Variants in SCG3 observed in about 807,000 individuals in gnomAD.
SCG3 encodes secretogranin III.
Under a neutral mutation model 56.2 loss-of-function variants are expected in SCG3, and 38 were observed. That is an observed-to-expected ratio of 0.68 (90% CI 0.52 to 0.89). SCG3 has a LOEUF of 0.89. Among genes scored for constraint, SCG3 ranks in the 40% least tolerant of loss-of-function variants. The probability of loss-of-function intolerance (pLI) is 0.00; values close to 1 mark genes in which losing one functional copy is unlikely to be tolerated. For synonymous variants in SCG3, 176 were observed against 184.2 expected (o/e 0.96, Z 0.36); for missense variants, 524 against 540.7 (o/e 0.97, Z 0.31).
At position 51,691,828 on chromosome 15, in the gene SCG3, A is replaced by G. The variant is rs561140335; in HGVS notation, c.691-331A>G. Among the ~76,000 whole-genome samples, 3 of 152,286 alleles carry G rather than the reference A, an allele frequency of 2.0e-5. No homozygotes were observed. In the East Asian group the frequency reaches 5.8e-4, roughly 29 times the overall value. ...GAACTCAAAGCTTCCCTCTTCATTA[A>G]AAGGCAGTTTTTCCTGGGGAGACTC... On this transcript the variant is annotated intron_variant, in intron 6 of 11. Coordinates refer to ENST00000220478, the MANE Select transcript of SCG3 (RefSeq NM_013243.4).
intron 4 of SCG3, among the ~76,000 whole-genome samples, chr15:51,684,360 C>T (rs1048250626): frequency 2.0e-5 from 3 of 152,244 alleles, no homozygotes; most frequent in Admixed American, 6.5e-5. Flanking sequence ...TTTCCTTACC[C>T]GAAGTCAGGA....
intron 8 of SCG3, among the ~76,000 whole-genome samples, chr15:51,697,630 T>C (rs566848295): frequency 1.3e-5 from 2 of 152,294 alleles, no homozygotes; most frequent in East Asian, 3.9e-4. Context: ...GCAGTGAAAA[T>C]AGGCTAGATA....
In SCG3 at chr15:51,681,667, C is replaced by A; in HGVS notation, c.-89C>A. On this transcript the variant is annotated 5_prime_UTR_variant, in exon 1 of 12. Transcript: ENST00000220478. Reference sequence around the variant, plus strand: ...CCCCACACCCACCCTCCTGGCTCTTCCTGTTTTTACTCCTCCTTTTCATTC... The same window carrying A: ...CCCCACACCCACCCTCCTGGCTCTTACTGTTTTTACTCCTCCTTTTCATTC... The A allele has an allele frequency of 2.1e-6, 1 of 475,054 alleles. No homozygotes were observed. The highest frequency in any genetic ancestry group is 4.3e-6 in the Non-Finnish European group (1 of 232,648). 29.4% of individuals were successfully genotyped at this position (475,054 alleles called of 1,614,324 possible).
At position 51,719,557 on chromosome 15, in the gene SCG3, T is replaced by C. The variant is rs769380292; in HGVS notation, c.*31T>C. ...GCAAAAGATCCAGGAGTCTTTCAAC[T>C]GTTTCAGAAAACATAATATAGCTTA... On this transcript the variant is annotated 3_prime_UTR_variant, in exon 12 of 12. Coordinates refer to ENST00000220478, the MANE Select transcript of SCG3 (RefSeq NM_013243.4). 1 of 1,455,182 alleles carries C rather than the reference T, an allele frequency of 6.9e-7. No homozygotes were observed. The highest frequency in any genetic ancestry group is 1.4e-5 in the African/African-American group (1 of 71,274). The allele number at this position is 1,455,182 out of a possible 1,614,324, so 90.1% of individuals were successfully genotyped here.
At chr15:51,709,033 A>C (rs2055394267) in intron 10 of SCG3, among the ~76,000 whole-genome samples, 1 of 152,184 alleles carries the variant, frequency 6.6e-6, no homozygotes, top group Admixed American at 6.5e-5. Flanking sequence ...GCTGCTAATA[A>C]ATACATACCC....
At chr15:51,707,059 G>A (rs2055380751) in intron 10 of SCG3, among the ~76,000 whole-genome samples, 2 of 151,994 alleles carry the variant, frequency 1.3e-5, no homozygotes, top group Non-Finnish European at 2.9e-5. Context: ...ATCTAAGTGT[G>A]GTTCTTTTTG....
intron 4 of SCG3, among the ~76,000 whole-genome samples, chr15:51,684,331 T>C (rs1252409167): frequency 6.6e-6 from 1 of 152,148 alleles, no homozygotes; most frequent in Non-Finnish European, 1.5e-5. Context: ...CATTCTTCAT[T>C]TGGCAGCCAA....
Position 51,695,905 on chromosome 15 carries a change from T to C in SCG3, c.899T>C (p.Ile300Thr), listed in dbSNP as rs1181875670. ...EKEAKEKETL[I>T]TIMKTLIDFV... is the part of the protein sequence containing the mutation. ...GAAGCAAAAGAGAAAGAAACACTGA[T>C]TACTATCATGAAAACACTGATTGAC... The change falls in exon 8 of 12, where the codon ATT becomes ACT. Residue 300 changes from isoleucine (I) to threonine (T), a missense_variant. By Grantham distance (89) the Ile-to-Thr change is moderately conservative. Coordinates refer to ENST00000220478, the MANE Select transcript of SCG3 (RefSeq NM_013243.4). 2 of 1,607,652 alleles carry C rather than the reference T, an allele frequency of 1.2e-6. No homozygotes were observed. Among genetic ancestry groups the C allele is most frequent in the Non-Finnish European group, 1.7e-6 (2 of 1,174,756 alleles).
intron 11 of SCG3, 45 bp from the exon 12 acceptor site, chr15:51,719,363 G>C: frequency 7.4e-7 from 1 of 1,356,426 alleles, no homozygotes; most frequent in Non-Finnish European, 1.1e-6. Context: ...AATGGGATTG[G>C]CCTTTCCTGA....
chr15:51,711,992 A>G (rs2055423973), intron 10 of SCG3, among the ~76,000 whole-genome samples: 1 of 152,186 alleles, frequency 6.6e-6, no homozygotes, highest in African/African-American at 2.4e-5. Flanking sequence ...CTCTTAGGGC[A>G]GTGTTATTGT....
rs1358551543 is a variant in SCG3, at chr15:51,720,312, G to C, written c.*786G>C. 1 of 152,240 alleles carries C rather than the reference G, an allele frequency of 6.6e-6. No individual in the cohort carries two copies. The highest frequency in any genetic ancestry group is 1.5e-5 in the Non-Finnish European group (1 of 68,052). The allele number at this position is 152,240 out of a possible 1,614,324, so 9.4% of individuals were successfully genotyped here. On this transcript the variant is annotated 3_prime_UTR_variant, in exon 12 of 12. Transcript: ENST00000220478. Reference sequence around the variant, plus strand: ...ATCCAAGCCAAGTTTTCTCAACAGAGAGCAAAGGGCCAGGCAGTAAGGTAG... The same window carrying C: ...ATCCAAGCCAAGTTTTCTCAACAGACAGCAAAGGGCCAGGCAGTAAGGTAG...
chr15:51,688,278 A>G lies in SCG3; in HGVS notation c.416A>G (p.His139Arg), dbSNP rs202101824. The change falls in exon 5 of 12, where the codon CAT becomes CGT. Residue 139 changes from histidine (H) to arginine (R), a missense_variant. His to Arg is a conservative substitution (Grantham distance 29). Transcript: ENST00000220478. ...TGTCTAGATGATCCAGATGGTCTTC[A>G]TCAACTAGACGGGACTCCTTTAACC... ...HKFQDDPDGL[H>R]QLDGTPLTAE... is the part of the protein sequence containing the mutation. 2.5e-6 allele frequency: 4 copies of G among 1,613,816 alleles called. No individual in the cohort carries two copies. The highest frequency in any genetic ancestry group is 3.4e-6 in the Non-Finnish European group (4 of 1,179,760).
intron 11 of SCG3, among the ~76,000 whole-genome samples, chr15:51,716,428 T>C (rs951425031): frequency 1.3e-5 from 2 of 152,174 alleles, no homozygotes; most frequent in African/African-American, 4.8e-5. Flanking sequence ...AAATGAGCAT[T>C]TATTGAACAT....
rs35106685 is a variant in SCG3 at position 51,683,349 on chromosome 15, T to C, written c.312T>C (p.Asn104=). ...IRSSPLDNKL[N]VEDVDSTKNR... ...GCTCCCCACTTGATAATAAGTTGAA[T>C]GTGGAAGATGTTGATTCAACCAAGA... Residue 104 remains asparagine, a synonymous_variant, in exon 4 of 12, where the codon AAT becomes AAC. Transcript: ENST00000220478. 1.9e-3 allele frequency: 3,118 copies of C among 1,613,536 alleles called. 58 individuals are homozygous for C. The African/African-American group carries it at 0.037, about 19-fold the overall frequency.
At chr15:51,689,102 T>A in intron 5 of SCG3, 117 bp from the exon 6 acceptor site, 1 of 1,118,754 alleles carries the variant, frequency 8.9e-7, no homozygotes, top group Non-Finnish European at 1.3e-6. Context: ...GTCTGAAAGA[T>A]GGTTCAGAAG....
chr15:51,692,034 G>A lies in SCG3; in HGVS notation c.691-125G>A, dbSNP rs2305718. ...TCTAGAAATGGGTTTGAACCTGCAG[G>A]AGCTTGCAAACGAGGGGGAATTCTT... On this transcript the variant is annotated intron_variant, in intron 6 of 11. Transcript: ENST00000220478. The A allele has an allele frequency of 3.1e-5, 26 of 850,468 alleles. No homozygotes were observed. In the South Asian group the frequency reaches 3.9e-4, roughly 13 times the overall value. The allele number at this position is 850,468 out of a possible 1,614,324, so 52.7% of individuals were successfully genotyped here. A position where few individuals can be genotyped will look rare whatever the true frequency, so the allele number is the denominator to read the frequency against.
chr15:51,693,261 T>A (rs2055280317), intron 7 of SCG3: 1 of 152,232 alleles, frequency 6.6e-6, no homozygotes, highest in South Asian at 2.1e-4. Context: ...CTCACTTTCC[T>A]TAATGGAAAC....
chr15:51,706,098 G>C (rs1211486677), intron 10 of SCG3, among the ~76,000 whole-genome samples: 1 of 152,150 alleles, frequency 6.6e-6, no homozygotes, highest in Non-Finnish European at 1.5e-5. Context: ...TTGTTTCATT[G>C]CACTTTTCTC....
At chr15:51,692,048 G>A (rs2055270337) in intron 6 of SCG3, 111 bp from the exon 7 acceptor site, 1 of 1,011,106 alleles carries the variant, frequency 9.9e-7, no homozygotes, top group South Asian at 1.8e-5. Flanking sequence ...TTGCAAACGA[G>A]GGGGAATTCT....
Sources: gnomAD v4.1 joint callset for allele counts (sites outside exome capture counted in the v4.1 genomes callset) on GRCh38, gnomAD v4.1.1 for gene constraint, MANE v1.5 for transcripts, NCBI Gene and HGNC (gene_info 2026-07-23, HGNC 2026-07-21) for gene names.